Variants in ACTA2 observed in about 807,000 individuals in gnomAD.
ACTA2 encodes actin alpha 2, smooth muscle.
In ACTA2, 12 loss-of-function variants were observed where a neutral mutation model predicts 39.5. The observed-to-expected ratio is 0.30, with a 90% CI of 0.19 to 0.49. The LOEUF (loss-of-function observed/expected upper bound fraction) is 0.49, where lower values mean the gene tolerates loss of function less well. ACTA2 is among the 20% of genes least tolerant of loss of function. ACTA2 has a pLI of 0.99. For missense variants in ACTA2, 236 were observed against 498.8 expected (o/e 0.47, Z 5.02); for synonymous variants, 158 against 180.6 (o/e 0.88, Z 1.00).
chr10:88,979,922 T>C, intron 1 of ACTA2, among the ~76,000 whole-genome samples: 1 of 152,134 alleles, frequency 6.6e-6, no homozygotes, highest in East Asian at 1.9e-4. Context: ...AATGGAATAA[T>C]AGAAGATATA....
Position 88,938,257 on chromosome 10 carries a change from C to G in ACTA2, c.809-15G>C, listed in dbSNP as rs1452950850. 1 of 1,613,908 alleles carries G rather than the reference C, an allele frequency of 6.2e-7. No individual in the cohort carries two copies. The highest frequency in any genetic ancestry group is 1.1e-5 in the South Asian group (1 of 91,076). On this transcript the variant is annotated splice_polypyrimidine_tract_variant and intron_variant, in intron 7 of 8. Coordinates refer to ENST00000224784, the MANE Select transcript of ACTA2 (RefSeq NM_001613.4). ...AGACTCCATCCCTGGAAAAGAGACACAGGCCATGGTCCTTAAGTGGAGAGT... is the reference window on the plus strand; with the variant it reads ...AGACTCCATCCCTGGAAAAGAGACAGAGGCCATGGTCCTTAAGTGGAGAGT...
intron 1 of ACTA2, among the ~76,000 whole-genome samples, chr10:88,986,875 C>T (rs1383292932): frequency 2.6e-5 from 4 of 152,094 alleles, no homozygotes; most frequent in African/African-American, 9.7e-5. Context: ...CTTGTGAAGT[C>T]ACTTCATTTA....
At position 88,935,114 on chromosome 10, in the gene ACTA2, G is replaced by C. The variant is rs1188897027; in HGVS notation, c.*109C>G. 2.7e-6 allele frequency: 4 copies of C among 1,487,578 alleles called. No homozygotes were observed. In the East Asian group the frequency reaches 6.9e-5, roughly 26 times the overall value. 92.1% of individuals were successfully genotyped at this position (1,487,578 alleles called of 1,614,324 possible). ...TTCAGATTTATTAAAAAACACATAG[G>C]TAACGAGTCAGAGCTTTGGCTAGGA... On this transcript the variant is annotated 3_prime_UTR_variant, in exon 9 of 9. Transcript: ENST00000224784.
At chr10:88,985,888 T>C (rs1846866777) in intron 1 of ACTA2, among the ~76,000 whole-genome samples, 1 of 152,252 alleles carries the variant, frequency 6.6e-6, no homozygotes, top group African/African-American at 2.4e-5. Context: ...TATAATGCCC[T>C]TGCCACTAGT....
At chr10:88,942,556 A>G (rs1564645108) in intron 4 of ACTA2, among the ~76,000 whole-genome samples, 1 of 152,148 alleles carries the variant, frequency 6.6e-6, no homozygotes, top group Non-Finnish European at 1.5e-5. Context: ...AGGACCACAT[A>G]GAATGTCAGT....
rs1402236422 is a variant in ACTA2 at position 88,965,462 on chromosome 10, T to C, written c.-23-16509A>G. 1.3e-5 allele frequency among the ~76,000 whole-genome samples: 2 copies of C among 152,200 alleles called. 1 individual carries two copies. Among genetic ancestry groups the C allele is most frequent in the Admixed American group, 1.3e-4 (2 of 15,266 alleles). ...TAAGGGACATTCTCTGGCTGTAGGC[T>C]TTCTTTAGCACATTTCAGGATTATT... On this transcript the variant is annotated intron_variant, in intron 1 of 4. Coordinates refer to the ACTA2 transcript ENST00000415557.
intron 8 of ACTA2, among the ~76,000 whole-genome samples, chr10:88,936,902 T>C (rs1845751640): frequency 6.6e-6 from 1 of 152,138 alleles, no homozygotes; most frequent in African/African-American, 2.4e-5. Context: ...TCTCATTACA[T>C]CGGGGCCCAG....
At chr10:88,944,538 G>T (rs2133262927) in intron 3 of ACTA2, among the ~76,000 whole-genome samples, 1 of 152,326 alleles carries the variant, frequency 6.6e-6, no homozygotes, top group South Asian at 2.1e-4. Flanking sequence ...TGCTTCTAGA[G>T]AAGTTGCCCT....
chr10:88,942,881 C>G (rs913316904), intron 4 of ACTA2, among the ~76,000 whole-genome samples: 1 of 152,174 alleles, frequency 6.6e-6, no homozygotes, highest in Admixed American at 6.5e-5. Flanking sequence ...GTGCAAGCAC[C>G]AGGAGCTCTT....
chr10:88,937,212 GCACACTCTCT>G (rs1416119443), intron 8 of ACTA2, among the ~76,000 whole-genome samples: 3,214 of 152,134 alleles, frequency 0.021, 55 homozygotes, highest in South Asian at 0.082. Context: ...TTTCAGTCTA[GCACACTCTCT>G]AGTGTTAGCT....
intron 4 of ACTA2, among the ~76,000 whole-genome samples, chr10:88,942,895 AG>A (rs1382853930): frequency 6.6e-6 from 1 of 152,218 alleles, no homozygotes; most frequent in Non-Finnish European, 1.5e-5. Flanking sequence ...AGCTCTTCTG[AG>A]GAAAAGGCCT....
At chr10:88,952,011 G>A (rs141579692) in intron 1 of ACTA2, among the ~76,000 whole-genome samples, 24 of 152,236 alleles carry the variant, frequency 1.6e-4, no homozygotes, top group African/African-American at 1.4e-4. Context: ...ATATCCGGCC[G>A]GGAGGCACAC....
chr10:88,973,109 T>G, intron 1 of ACTA2: 1 of 1,462,774 alleles, frequency 6.8e-7, no homozygotes, highest in Non-Finnish European at 9.1e-7. Flanking sequence ...TATGTTTTAT[T>G]TTTCTATTTT....
At chr10:88,989,004 C>T (rs1847011817) in intron 1 of ACTA2, among the ~76,000 whole-genome samples, 1 of 152,168 alleles carries the variant, frequency 6.6e-6, no homozygotes, top group Admixed American at 6.5e-5. Flanking sequence ...GGGGGTATGG[C>T]ATAGAAAGAG....
chr10:88,935,764 A>T (rs770482993), intron 8 of ACTA2, among the ~76,000 whole-genome samples: 52 of 152,208 alleles, frequency 3.4e-4, no homozygotes, highest in Non-Finnish European at 6.2e-4. Flanking sequence ...TCAAAGGAGA[A>T]GTTTTAATTG....
chr10:88,949,673 C>T (rs945864769), intron 1 of ACTA2, among the ~76,000 whole-genome samples: 3 of 152,100 alleles, frequency 2.0e-5, no homozygotes, highest in African/African-American at 7.2e-5. Context: ...TGGTAGAATA[C>T]TTTACTGCCA....
At chr10:88,951,874 G>A (rs1846056129) in intron 1 of ACTA2, among the ~76,000 whole-genome samples, 1 of 152,228 alleles carries the variant, frequency 6.6e-6, no homozygotes, top group Non-Finnish European at 1.5e-5. Flanking sequence ...GAAAACTCCA[G>A]TCTGGGCTGA....
chr10:88,991,314 A>C, exon 1 of ACTA2: 1 of 359,352 alleles, frequency 2.8e-6, no homozygotes, highest in Non-Finnish European at 5.3e-6. Context: ...CTCCTGGACA[A>C]GCCCTGACAA....
chr10:88,957,488 G>A (rs1043800572), upstream of ACTA2, among the ~76,000 whole-genome samples: 3 of 152,116 alleles, frequency 2.0e-5, no homozygotes, highest in Non-Finnish European at 2.9e-5. Context: ...TTTGTCAATT[G>A]CACTTACATT....
Sources: gnomAD v4.1 joint callset for allele counts (sites outside exome capture counted in the v4.1 genomes callset) on GRCh38, gnomAD v4.1.1 for gene constraint, MANE v1.5 for transcripts, NCBI Gene and HGNC (gene_info 2026-07-23, HGNC 2026-07-21) for gene names.